Variants in C10orf90 observed in about 807,000 individuals in gnomAD.
C10orf90 encodes the protein (E2-independent) E3 ubiquitin-conjugating enzyme FATS.
C10orf90 carries 56 observed loss-of-function variants against 62.5 expected under a neutral mutation model. The observed-to-expected ratio is 0.90, with a 90% CI of 0.72 to 1.12. The LOEUF is 1.12. Ranked by LOEUF, C10orf90 falls within the 50% of genes most tolerant of loss-of-function variation. The probability of loss-of-function intolerance (pLI) is 0.00; values close to 1 mark genes in which losing one functional copy is unlikely to be tolerated. For synonymous variants in C10orf90, 386 were observed against 340.4 expected (o/e 1.13, Z -1.47); for missense variants, 970 against 880.4 (o/e 1.10, Z -1.29).
chr10:126,600,866 G>T (rs146159412), intron 2 of C10orf90, among the ~76,000 whole-genome samples: 7 of 152,194 alleles, frequency 4.6e-5, no homozygotes, highest in African/African-American at 1.7e-4. Flanking sequence ...TGAAATAACC[G>T]CCTTGTAAAG....
chr10:126,489,253 T>C (rs564725322), intron 4 of C10orf90, among the ~76,000 whole-genome samples: 1 of 152,202 alleles, frequency 6.6e-6, no homozygotes, highest in East Asian at 1.9e-4. Flanking sequence ...CCCATATTTA[T>C]AAAATGAAGA....
At chr10:126,588,559 T>C (rs990416034) in intron 2 of C10orf90, among the ~76,000 whole-genome samples, 1 of 152,332 alleles carries the variant, frequency 6.6e-6, no homozygotes, top group East Asian at 1.9e-4. Context: ...AACTAGGGTC[T>C]GGAGTGTACC....
intron 2 of C10orf90, among the ~76,000 whole-genome samples, chr10:126,569,126 T>C (rs1002692274): frequency 6.6e-6 from 1 of 151,994 alleles, no homozygotes; most frequent in African/African-American, 2.4e-5. Flanking sequence ...GGAGCAGTAG[T>C]GGGGGGTTTC....
intron 4 of C10orf90, among the ~76,000 whole-genome samples, chr10:126,476,396 C>T (rs373871423): frequency 1.2e-4 from 18 of 152,316 alleles, no homozygotes; most frequent in African/African-American, 3.8e-4. Flanking sequence ...GAGACAGTCC[C>T]TAGGGCCTCT....
intron 2 of C10orf90, among the ~76,000 whole-genome samples, chr10:126,617,163 T>C (rs1393568208): frequency 6.6e-6 from 1 of 152,106 alleles, no homozygotes; most frequent in Non-Finnish European, 1.5e-5. Flanking sequence ...GCGGGGTGAA[T>C]TTTCTTTGCT....
chr10:126,440,743 C>T (rs1467591744), intron 7 of C10orf90, among the ~76,000 whole-genome samples: 1 of 152,174 alleles, frequency 6.6e-6, no homozygotes, highest in Non-Finnish European at 1.5e-5. Context: ...CCAGTACCAG[C>T]CTGGAGCCTG....
Position 126,504,170 on chromosome 10 carries a change from A to G in C10orf90, c.1321T>C (p.Leu441=). 6.2e-7 allele frequency: 1 copy of G among 1,614,090 alleles called. No homozygotes were observed. Among genetic ancestry groups the G allele is most frequent in the Non-Finnish European group, 8.5e-7 (1 of 1,180,014 alleles). The part of the protein sequence containing the change: ...RWNPGLQESH[L]KETPSLRRVH... ...CGCCTCAACGATGGGGTTTCCTTCAAGTGACTTTCTTGTAAACCTGGGTTC... is the reference window on the plus strand; with the variant it reads ...CGCCTCAACGATGGGGTTTCCTTCAGGTGACTTTCTTGTAAACCTGGGTTC... The change falls in exon 4 of 10, where the codon TTG becomes CTG. Residue 441 remains leucine (L), a synonymous_variant. Coordinates refer to ENST00000488181, the MANE Select transcript of C10orf90 (RefSeq NM_001350921.2). The surrounding 1 kb of genome is among the most constrained non-coding windows in gnomAD (Gnocchi z 4.1).
chr10:126,487,142 C>CAAAAAAAAAAAAAAAAAAAAAA (rs1158481155), intron 4 of C10orf90, among the ~76,000 whole-genome samples: 14 of 29,460 alleles, frequency 4.8e-4, no homozygotes, highest in African/African-American at 8.3e-4. Flanking sequence ...AAAACTCTGT[C>CAAAAAAAAAAAAAAAAAAAAAA]AAAAAAAAAA....
At chr10:126,499,779 A>G (rs368932890) in intron 4 of C10orf90, among the ~76,000 whole-genome samples, 2 of 152,192 alleles carry the variant, frequency 1.3e-5, no homozygotes, top group Non-Finnish European at 1.5e-5. Context: ...ACATGGGCCC[A>G]CCATAGAACG....
intron 1 of C10orf90, among the ~76,000 whole-genome samples, chr10:126,648,237 T>G (rs974816613): frequency 1.3e-5 from 2 of 152,158 alleles, no homozygotes; most frequent in African/African-American, 2.4e-5. Context: ...GTAGTAAGGA[T>G]GTACTTCCAT....
At chr10:126,454,938 T>C (rs184081095) in intron 7 of C10orf90, among the ~76,000 whole-genome samples, 1 of 152,156 alleles carries the variant, frequency 6.6e-6, no homozygotes, top group East Asian at 1.9e-4. Flanking sequence ...GTGTACCTAA[T>C]GTCGGAGACT....
chr10:126,530,770 C>T (rs1255602789), intron 2 of C10orf90, among the ~76,000 whole-genome samples: 1 of 151,526 alleles, frequency 6.6e-6, no homozygotes, highest in African/African-American at 2.4e-5. Context: ...CCCTACAAAA[C>T]ATAAGAAAAT....
intron 2 of C10orf90, among the ~76,000 whole-genome samples, chr10:126,632,950 A>T (rs1845878662): frequency 6.6e-6 from 1 of 152,134 alleles, no homozygotes; most frequent in Admixed American, 6.5e-5. Context: ...AGCTAAAGAA[A>T]TGCTTGTTGT....
intron 4 of C10orf90, among the ~76,000 whole-genome samples, chr10:126,469,141 A>C (rs769197873): frequency 1.3e-5 from 2 of 152,208 alleles, no homozygotes; most frequent in Non-Finnish European, 2.9e-5. Context: ...AACTATGAAA[A>C]GCAGACACAC....
chr10:126,450,452 T>C (rs1218874916), intron 7 of C10orf90, among the ~76,000 whole-genome samples: 1 of 152,192 alleles, frequency 6.6e-6, no homozygotes, highest in African/African-American at 2.4e-5. Context: ...AAATCTCTTA[T>C]GAAGTCATAG....
intron 2 of C10orf90, among the ~76,000 whole-genome samples, chr10:126,522,127 G>A (rs1209500877): frequency 2.0e-5 from 3 of 152,168 alleles, no homozygotes; most frequent in Non-Finnish European, 4.4e-5. Context: ...AATTAGCCAG[G>A]CATGATGGCG....
intron 2 of C10orf90, among the ~76,000 whole-genome samples, chr10:126,563,916 C>A (rs563076846): frequency 6.6e-6 from 1 of 152,262 alleles, no homozygotes; most frequent in Admixed American, 6.5e-5. Context: ...TGAGAACAGG[C>A]GTTCTCAATC....
At chr10:126,487,710 A>T (rs1257341484) in intron 4 of C10orf90, among the ~76,000 whole-genome samples, 2 of 152,208 alleles carry the variant, frequency 1.3e-5, no homozygotes, top group African/African-American at 2.4e-5. Flanking sequence ...TAAAATATGT[A>T]CTTTAGGAAG....
At chr10:126,511,412 T>G (rs1259831305) in intron 3 of C10orf90, among the ~76,000 whole-genome samples, 2 of 151,606 alleles carry the variant, frequency 1.3e-5, no homozygotes, top group African/African-American at 4.9e-5. Context: ...AGTGTACAAC[T>G]TGGTGGTATT....
Sources: allele counts gnomAD v4.1 joint callset (sites outside exome capture counted in the v4.1 genomes callset), GRCh38; gene constraint gnomAD v4.1.1; non-coding constraint Gnocchi (gnomAD v3.1); transcripts MANE v1.5; gene names NCBI Gene and HGNC (gene_info 2026-07-23, HGNC 2026-07-21).